EFEMP1: variants seen among roughly 807,000 people sequenced by gnomAD.
The protein encoded by EFEMP1 is EGF-like fibulin extracellular matrix protein 1, also known as EGF-containing fibulin-like extracellular matrix protein 1.
EFEMP1 carries 18 observed loss-of-function variants against 65.7 expected under a neutral mutation model. That is an observed-to-expected ratio of 0.27 (90% confidence interval 0.19 to 0.41). The LOEUF (loss-of-function observed/expected upper bound fraction) is 0.41. EFEMP1 is among the 10% of genes least tolerant of loss of function. The probability of loss-of-function intolerance (pLI) is 1.00; values close to 1 mark genes in which losing one functional copy is unlikely to be tolerated. For missense variants in EFEMP1, 469 were observed against 624.8 expected, an observed-to-expected ratio of 0.75 and a Z score of 2.66; for synonymous variants, 237 against 219.7, an observed-to-expected ratio of 1.08 and a Z score of -0.70.
intron 5 of EFEMP1, among the ~76,000 whole-genome samples, chr2:55,888,948 C>G (rs909186032): frequency 3.3e-5 from 5 of 152,160 alleles, no homozygotes; most frequent in African/African-American, 1.2e-4. Flanking sequence ...TCTCTCCTCT[C>G]CTCTATCTCC....
In EFEMP1 at chr2:55,874,850, G is replaced by C. The variant is rs1668963683; in HGVS notation, c.1000+96C>G. The C allele has an allele frequency of 8.2e-6, 11 of 1,333,798 alleles. No individual in the cohort carries two copies. In the Admixed American group the frequency reaches 2.5e-4, roughly 30 times the overall value. The allele number at this position is 1,333,798 out of a possible 1,614,324, so 82.6% of individuals were successfully genotyped here. A position where few individuals can be genotyped will look rare whatever the true frequency, so the allele number is the denominator to read the frequency against. ...AGCTTAAATTGTATATTGAAAGTGG[G>C]AAAAATGAAAGTCTATAGGAGAATC... On this transcript the variant is annotated intron_variant, in intron 9 of 11. Coordinates refer to ENST00000355426, the MANE Select transcript of EFEMP1 (RefSeq NM_001039348.3).
At position 55,917,966 on chromosome 2, in the gene EFEMP1, C is replaced by A. The variant is rs376553875; in HGVS notation, c.216G>T (p.Pro72=). 1.2e-6 allele frequency: 2 copies of A among 1,614,186 alleles called. No individual in the cohort carries two copies. The highest frequency in any genetic ancestry group is 1.7e-6 in the Non-Finnish European group (2 of 1,180,042). ...TATTGACAATAATCTGGGCTGTTTT[C>A]GGAAGGCAGAGGTATCCTCCATAGT... ...VNHYGGYLCL[P]KTAQIIVNNE... Residue 72 remains proline, a synonymous_variant, in exon 5 of 12, where the codon CCG becomes CCT. Coordinates refer to ENST00000355426, the MANE Select transcript of EFEMP1 (RefSeq NM_001039348.3). The surrounding 1 kb of genome is among the most constrained non-coding windows in gnomAD (Gnocchi z 6.3).
chr2:55,881,690 G>A lies in EFEMP1; in HGVS notation c.562C>T (p.Gln188Ter). ...TAGTHNCRAD[Q>*]VCINLRGSFA... ...GATCCCCGTAAATTGATGCACACTT[G>A]GTCTGCTCTACAGTTGTGCGTCCCT... The change falls in exon 6 of 12, where the codon CAA (glutamine) becomes TAA (stop). Residue 188 changes from glutamine (Q) to a stop codon, truncating the protein, a stop_gained. Transcript: ENST00000355426. LOFTEE classifies it high-confidence loss of function. The A allele has an allele frequency of 6.2e-7, 1 of 1,613,914 alleles. No homozygotes were observed. Among genetic ancestry groups the A allele is most frequent in the Non-Finnish European group, 8.5e-7 (1 of 1,179,886 alleles).
At chr2:55,880,231 T>C (rs969949128) in intron 6 of EFEMP1, among the ~76,000 whole-genome samples, 3 of 152,116 alleles carry the variant, frequency 2.0e-5, no homozygotes, top group Non-Finnish European at 4.4e-5. Flanking sequence ...ATTCTCTCAG[T>C]GAGGGAAGCA....
In EFEMP1 at chr2:55,919,095, C is replaced by T. The variant is rs1004677709; in HGVS notation, c.82-828G>A. On this transcript the variant is annotated intron_variant, in intron 3 of 11. Coordinates refer to ENST00000355426, the MANE Select transcript of EFEMP1 (RefSeq NM_001039348.3). This position sits in a 1 kb window ranked among gnomAD's most constrained non-coding sequence, Gnocchi z 4.5. ...GGAGGTGACAGTAAATCAGGCTTTA[C>T]AGGATGAGCAGGATTTTTCCAGGTG... Among the ~76,000 whole-genome samples, 1 of 152,094 alleles carries T rather than the reference C, an allele frequency of 6.6e-6. No homozygotes were observed. The highest frequency in any genetic ancestry group is 2.4e-5 in the African/African-American group (1 of 41,388).
At chr2:55,904,465 G>T (rs1670167113) in intron 5 of EFEMP1, among the ~76,000 whole-genome samples, 1 of 152,174 alleles carries the variant, frequency 6.6e-6, no homozygotes, top group Admixed American at 6.5e-5. Flanking sequence ...GTCTGTGATG[G>T]TGTTTCCAGA....
rs1668742898 is a variant in EFEMP1 at position 55,870,121 on chromosome 2, T to A, written c.1320+599A>T. The stretch of plus-strand genomic sequence containing the variant: ...GACTCCATACTGCCAGCCCAGAAGT[T>A]GGCAAGAATGGTACAACTACTGACA... On this transcript the variant is annotated intron_variant, in intron 11 of 11. Transcript: ENST00000355426. The surrounding 1 kb of genome is among the most constrained non-coding windows in gnomAD (Gnocchi z 5.8). 6.6e-6 allele frequency among the ~76,000 whole-genome samples: 1 copy of A among 152,060 alleles called. No homozygotes were observed. Among genetic ancestry groups the A allele is most frequent in the African/African-American group, 2.4e-5 (1 of 41,410 alleles).
In EFEMP1 at chr2:55,921,573, G is replaced by A. The variant is rs899649888; in HGVS notation, c.81+787C>T. Among the ~76,000 whole-genome samples, 1 of 152,158 alleles carries A rather than the reference G, an allele frequency of 6.6e-6. No homozygotes were observed. Among genetic ancestry groups the A allele is most frequent in the African/African-American group, 2.4e-5 (1 of 41,430 alleles). On this transcript the variant is annotated intron_variant, in intron 3 of 11. Transcript: ENST00000355426. The surrounding 1 kb of genome is among the most constrained non-coding windows in gnomAD (Gnocchi z 4.1). ...TAAAGACAAGAAAACACAGAACAGA[G>A]GTGCAAACAAACTCACCAGAAGTGA...
intron 5 of EFEMP1, among the ~76,000 whole-genome samples, chr2:55,903,784 C>T (rs1014827075): frequency 5.9e-5 from 9 of 151,950 alleles, no homozygotes; most frequent in South Asian, 2.1e-4. Context: ...AATATATATG[C>T]ATGTATACAT....
rs761669796 is a variant in EFEMP1, at chr2:55,877,756, A to G, written c.750T>C (p.Tyr250=). 4 of 1,613,168 alleles carry G rather than the reference A, an allele frequency of 2.5e-6. No homozygotes were observed. In the South Asian group the frequency reaches 3.3e-5, roughly 13 times the overall value. ...SPGFQLAANN[Y]TCVDINECDA... ...TCTCAAAAGGCTTACCTACGCAGGTATAGTTGTTTGCTGCCAATTGAAACC... is the reference window on the plus strand; with the variant it reads ...TCTCAAAAGGCTTACCTACGCAGGTGTAGTTGTTTGCTGCCAATTGAAACC... Residue 250 remains tyrosine (Y), a synonymous_variant, in exon 7 of 12, where the codon TAT becomes TAC. Transcript: ENST00000355426. The surrounding 1 kb of genome is among the most constrained non-coding windows in gnomAD (Gnocchi z 4.5).
At chr2:55,904,391 T>C (rs1051415349) in intron 5 of EFEMP1, among the ~76,000 whole-genome samples, 16 of 152,234 alleles carry the variant, frequency 1.1e-4, no homozygotes, top group Non-Finnish European at 2.1e-4. Context: ...TGGTTAATTT[T>C]ATGTGTCAAC....
chr2:55,922,175 A>T lies in EFEMP1; in HGVS notation c.81+185T>A. The T allele has an allele frequency of 1.6e-6, 1 of 610,028 alleles. No homozygotes were observed. Among genetic ancestry groups the T allele is most frequent in the African/African-American group, 1.8e-5 (1 of 54,682 alleles). 37.8% of individuals were successfully genotyped at this position (610,028 alleles called of 1,614,324 possible). A position where few individuals can be genotyped will look rare whatever the true frequency, so the allele number is the denominator to read the frequency against. ...CCTATCTTAGGTGGTGAGCCCAATG[A>T]ACTTTTGAAAGGATCAAGGGGGCAA... is the stretch of plus-strand genomic sequence containing the variant. On this transcript the variant is annotated intron_variant, in intron 3 of 11. Coordinates refer to ENST00000355426, the MANE Select transcript of EFEMP1 (RefSeq NM_001039348.3). The surrounding 1 kb of genome is among the most constrained non-coding windows in gnomAD (Gnocchi z 5.5).
At chr2:55,913,768 G>T (rs1171618672) in intron 5 of EFEMP1, among the ~76,000 whole-genome samples, 1 of 152,082 alleles carries the variant, frequency 6.6e-6, no homozygotes, top group Non-Finnish European at 1.5e-5. Flanking sequence ...CCAGCACTTT[G>T]GGAGGCTGAG....
intron 5 of EFEMP1, among the ~76,000 whole-genome samples, chr2:55,894,995 T>G (rs1333374457): frequency 1.3e-5 from 2 of 152,218 alleles, no homozygotes; most frequent in African/African-American, 4.8e-5. Flanking sequence ...TCTTCCAACT[T>G]GAGAACTCTG....
rs796480248 is a variant in EFEMP1 at position 55,922,569 on chromosome 2, A to G, written c.-7-122T>C. On this transcript the variant is annotated intron_variant, in intron 2 of 11. Coordinates refer to ENST00000355426, the MANE Select transcript of EFEMP1 (RefSeq NM_001039348.3). This position sits in a 1 kb window ranked among gnomAD's most constrained non-coding sequence, Gnocchi z 5.5. ...AGAGGCTGAGGCTCCACCATACTCA[A>G]CTTCCAATCTGCTTTCTCATCTCCC... 1 of 888,576 alleles carries G rather than the reference A, an allele frequency of 1.1e-6. No individual in the cohort carries two copies. Among genetic ancestry groups the G allele is most frequent in the African/African-American group, 1.6e-5 (1 of 61,036 alleles). 55.0% of individuals were successfully genotyped at this position (888,576 alleles called of 1,614,324 possible). A position where few individuals can be genotyped will look rare whatever the true frequency, so the allele number is the denominator to read the frequency against.
rs1014694401 is a variant in EFEMP1, at chr2:55,867,312, C to G, written c.1321-78G>C. On this transcript the variant is annotated intron_variant, in intron 11 of 11. Coordinates refer to ENST00000355426, the MANE Select transcript of EFEMP1 (RefSeq NM_001039348.3). This position sits in a 1 kb window ranked among gnomAD's most constrained non-coding sequence, Gnocchi z 4.3. ...TTTCTATGCTTTGTTAGTATACCTC[C>G]TATAAGAATTAGGGGGAGAATTTTG... The G allele has an allele frequency of 1.3e-6, 2 of 1,491,058 alleles. No homozygotes were observed. Among genetic ancestry groups the G allele is most frequent in the East Asian group, 4.8e-5 (2 of 41,402 alleles). 92.4% of individuals were successfully genotyped at this position (1,491,058 alleles called of 1,614,324 possible).
In EFEMP1 at chr2:55,876,746, A is replaced by G. The variant is rs1024726454; in HGVS notation, c.761-4T>C. 1.8e-5 allele frequency: 29 copies of G among 1,590,054 alleles called. No homozygotes were observed. The highest frequency in any genetic ancestry group is 2.4e-5 in the Non-Finnish European group (28 of 1,165,218). ...CTGGCATCACATTCATTTATATCTG[A>G]AAAAAAGTTTTATATATATATATAT... On this transcript the variant is annotated splice_region_variant and splice_polypyrimidine_tract_variant and intron_variant, in intron 7 of 11. Coordinates refer to ENST00000355426, the MANE Select transcript of EFEMP1 (RefSeq NM_001039348.3).
At chr2:55,916,473 C>A (rs751386649) in intron 5 of EFEMP1, among the ~76,000 whole-genome samples, 2 of 152,154 alleles carry the variant, frequency 1.3e-5, no homozygotes, top group African/African-American at 4.8e-5. Flanking sequence ...AAACTAAACA[C>A]GGGTGAATAA....
intron 5 of EFEMP1, among the ~76,000 whole-genome samples, chr2:55,893,532 TC>T (rs1669709529): frequency 1.3e-5 from 2 of 152,192 alleles, no homozygotes; most frequent in Admixed American, 1.3e-4. Context: ...ATTTGACTTT[TC>T]TACTCTTCCA....
Sources: allele counts gnomAD v4.1 joint callset (sites outside exome capture counted in the v4.1 genomes callset), GRCh38; gene constraint gnomAD v4.1.1; non-coding constraint Gnocchi (gnomAD v3.1); transcripts MANE v1.5; gene names NCBI Gene and HGNC (gene_info 2026-07-23, HGNC 2026-07-21).